The following MDGA2 variants were observed in gnomAD, a reference collection of about 807,000 sequenced individuals.
The protein encoded by MDGA2 is MAM domain containing glycosylphosphatidylinositol anchor 2.
In MDGA2, 40 loss-of-function variants were observed where a neutral mutation model predicts 117.8. The ratio of observed to expected loss-of-function variants is 0.34; its 90% CI spans 0.26 to 0.44. The LOEUF (loss-of-function observed/expected upper bound fraction) is 0.44, where lower values mean the gene tolerates loss of function less well. Ranked by LOEUF, MDGA2 falls within the 20% of genes least tolerant of loss-of-function variation. The pLI is 1.00. For missense variants in MDGA2, 1,123 were observed against 1,250.6 expected, an observed-to-expected ratio of 0.90 and a Z score of 1.54; for synonymous variants, 452 against 439.0, an observed-to-expected ratio of 1.03 and a Z score of -0.37.
chr14:47,240,046 G>A (rs536706964), intron 2 of MDGA2, among the ~76,000 whole-genome samples: 161 of 151,662 alleles, frequency 1.1e-3, no homozygotes, highest in Middle Eastern at 3.4e-3. Flanking sequence ...GTTAGAAACA[G>A]TTTTTGCTGT....
Position 47,544,161 on chromosome 14 carries a change from A to T in MDGA2, c.280+130356T>A, listed in dbSNP as rs573362465. Among the ~76,000 whole-genome samples, 6 of 152,284 alleles carry T rather than the reference A, an allele frequency of 3.9e-5. No homozygotes were observed. In the East Asian group the frequency reaches 1.2e-3, roughly 29 times the overall value. On this transcript the variant is annotated intron_variant, in intron 1 of 16. Coordinates refer to ENST00000399232, the MANE Select transcript of MDGA2 (RefSeq NM_001113498.3). ...ATGTCAGAGACTAAATTTTAAGATT[A>T]ATATCACCAGTGAGAAAATAACTGT...
intron 2 of MDGA2, among the ~76,000 whole-genome samples, chr14:47,240,782 G>A (rs1887013790): frequency 6.6e-6 from 1 of 151,884 alleles, no homozygotes; most frequent in African/African-American, 2.4e-5. Context: ...CTAAATTGCT[G>A]TTGCCCTCTC....
intron 1 of MDGA2, among the ~76,000 whole-genome samples, chr14:47,555,229 C>A (rs1378834184): frequency 6.6e-6 from 1 of 152,132 alleles, no homozygotes; most frequent in Non-Finnish European, 1.5e-5. Context: ...AGCAGTAGTA[C>A]TAGAATTAGA....
intron 1 of MDGA2, among the ~76,000 whole-genome samples, chr14:47,523,341 G>A (rs1894907813): frequency 1.3e-5 from 2 of 151,762 alleles, no homozygotes; most frequent in South Asian, 2.1e-4. Context: ...AAAAAGTAGA[G>A]GTTAAATACA....
chr14:47,348,687 A>G (rs894052388), intron 1 of MDGA2, among the ~76,000 whole-genome samples: 36 of 152,214 alleles, frequency 2.4e-4, no homozygotes, highest in African/African-American at 8.4e-4. Flanking sequence ...AGAAAGACCC[A>G]GAAACAGAGA....
intron 4 of MDGA2, among the ~76,000 whole-genome samples, chr14:47,140,723 C>A (rs1041566437): frequency 2.0e-5 from 3 of 152,032 alleles, no homozygotes; most frequent in African/African-American, 7.2e-5. Flanking sequence ...TGAGATAACA[C>A]AACTACTAGA....
chr14:47,065,853 ACT>A (rs1890061023), intron 6 of MDGA2, among the ~76,000 whole-genome samples: 1 of 152,082 alleles, frequency 6.6e-6, no homozygotes, highest in Non-Finnish European at 1.5e-5. Context: ...TGCTGAAAAG[ACT>A]CTCTAAATCG....
chr14:47,127,669 C>T lies in MDGA2; in HGVS notation c.925+4045G>A, dbSNP rs1331303635. Among the ~76,000 whole-genome samples, 3 of 151,988 alleles carry T rather than the reference C, an allele frequency of 2.0e-5. No individual in the cohort carries two copies. The East Asian group carries it at 5.8e-4, about 29-fold the overall frequency. On this transcript the variant is annotated intron_variant, in intron 5 of 16. Transcript: ENST00000399232. ...TGAATAATAGGTTTTTATGTTTGCC[C>T]AGTCTAGATACATATTAGCTGAAAA...
chr14:47,447,944 C>T (rs1174100131), intron 1 of MDGA2, among the ~76,000 whole-genome samples: 1 of 151,966 alleles, frequency 6.6e-6, no homozygotes, highest in Non-Finnish European at 1.5e-5. Flanking sequence ...ACAGAAGGCT[C>T]CTAAAACGCT....
intron 1 of MDGA2, among the ~76,000 whole-genome samples, chr14:47,430,067 A>G (rs1474233909): frequency 1.3e-5 from 2 of 151,192 alleles, no homozygotes; most frequent in Admixed American, 6.6e-5. Context: ...AGTTGAAATC[A>G]GAGAGGTACA....
chr14:47,405,663 G>A (rs1363534916), intron 1 of MDGA2, among the ~76,000 whole-genome samples: 2 of 152,092 alleles, frequency 1.3e-5, no homozygotes, highest in Non-Finnish European at 2.9e-5. Context: ...AAATCACTTT[G>A]ACAGTTACAG....
chr14:47,125,730 G>C (rs996519765), intron 5 of MDGA2, among the ~76,000 whole-genome samples: 2 of 151,988 alleles, frequency 1.3e-5, no homozygotes, highest in African/African-American at 4.8e-5. Context: ...ATCTTAATTA[G>C]ATAATGTTTA....
At chr14:47,637,489 A>G (rs992512741) in intron 1 of MDGA2, among the ~76,000 whole-genome samples, 2 of 152,236 alleles carry the variant, frequency 1.3e-5, no homozygotes, top group Admixed American at 6.5e-5. Context: ...CACTTAAAAT[A>G]ACCAGTACAA....
intron 1 of MDGA2, among the ~76,000 whole-genome samples, chr14:47,528,132 CA>C (rs1275231999): frequency 1.6e-4 from 25 of 152,142 alleles, no homozygotes; most frequent in Admixed American, 7.2e-4. Context: ...ATAAAACCAC[CA>C]CATCCTTTTC....
At chr14:46,898,519 GGGA>G (rs1191226822) in intron 10 of MDGA2, among the ~76,000 whole-genome samples, 8 of 152,152 alleles carry the variant, frequency 5.3e-5, no homozygotes, top group African/African-American at 1.7e-4. Flanking sequence ...CATTAAGTTT[GGGA>G]GGCCACTGAG....
intron 6 of MDGA2, among the ~76,000 whole-genome samples, chr14:47,072,596 T>C (rs991820649): frequency 6.6e-6 from 1 of 152,152 alleles, no homozygotes; most frequent in Non-Finnish European, 1.5e-5. Context: ...TAGTCCAATA[T>C]CAGCAGCATC....
At chr14:47,530,550 T>C (rs990190960) in intron 1 of MDGA2, among the ~76,000 whole-genome samples, 1 of 152,188 alleles carries the variant, frequency 6.6e-6, no homozygotes, top group African/African-American at 2.4e-5. Context: ...CACCTCATAA[T>C]CAAACGATCC....
At chr14:47,580,060 A>G (rs1381109446) in intron 1 of MDGA2, among the ~76,000 whole-genome samples, 1 of 152,074 alleles carries the variant, frequency 6.6e-6, no homozygotes, top group Non-Finnish European at 1.5e-5. Flanking sequence ...TCACACCCCA[A>G]TTAAATGGTA....
intron 1 of MDGA2, among the ~76,000 whole-genome samples, chr14:47,522,659 A>C (rs1894894628): frequency 6.6e-6 from 1 of 152,240 alleles, no homozygotes; most frequent in Non-Finnish European, 1.5e-5. Flanking sequence ...TTTCCTTCAA[A>C]TGTAATAGAT....
Sources: gnomAD v4.1 joint callset for allele counts (sites outside exome capture counted in the v4.1 genomes callset) on GRCh38, gnomAD v4.1.1 for gene constraint, MANE v1.5 for transcripts, NCBI Gene and HGNC (gene_info 2026-07-23, HGNC 2026-07-21) for gene names.